The following NXPH2 variants were observed in gnomAD, a reference collection of about 807,000 sequenced individuals.
The protein encoded by NXPH2 is neurexophilin 2.
A neutral mutation model predicts 19.8 loss-of-function variants in NXPH2; 5 were observed. That is an observed-to-expected ratio of 0.25 (90% CI 0.13 to 0.53). NXPH2 has a LOEUF of 0.53. NXPH2 is among the 20% of genes least tolerant of loss of function. The probability of loss-of-function intolerance (pLI) is 0.96; values close to 1 mark genes in which losing one functional copy is unlikely to be tolerated. For missense variants in NXPH2, 289 were observed against 322.8 expected (o/e 0.90, Z 0.80); for synonymous variants, 154 against 127.4 (o/e 1.21, Z -1.41).
intron 1 of NXPH2, among the ~76,000 whole-genome samples, chr2:138,710,549 C>T (rs1681090086): frequency 6.6e-6 from 1 of 152,152 alleles, no homozygotes; most frequent in Admixed American, 6.5e-5. Flanking sequence ...TTCCAGTTTG[C>T]AGCTTCTCTT....
intron 1 of NXPH2, among the ~76,000 whole-genome samples, chr2:138,710,224 C>T (rs915224566): frequency 5.3e-5 from 8 of 152,080 alleles, no homozygotes; most frequent in Non-Finnish European, 7.4e-5. Context: ...TTGTCCATGC[C>T]GTAAATATAT....
intron 1 of NXPH2, among the ~76,000 whole-genome samples, chr2:138,719,975 A>C (rs1681251621): frequency 6.6e-6 from 1 of 152,222 alleles, no homozygotes; most frequent in South Asian, 2.1e-4. Flanking sequence ...AATATATGGT[A>C]CTACATGTAC....
chr2:138,688,489 C>T lies in NXPH2; in HGVS notation c.52-16824G>A, dbSNP rs549886746. 2.0e-3 allele frequency among the ~76,000 whole-genome samples: 307 copies of T among 152,218 alleles called. 2 individuals are homozygous for T. Among genetic ancestry groups the T allele is most frequent in the Non-Finnish European group, 3.6e-3 (244 of 67,988 alleles). The stretch of plus-strand genomic sequence containing the variant: ...GAGCCACCATGCTCGGATGAGGCAT[C>T]TTTTTTTAAAGTCTTTACCTAGCTC... On this transcript the variant is annotated intron_variant, in intron 1 of 1. Transcript: ENST00000272641.
At chr2:138,717,724 A>G (rs1681214667) in intron 1 of NXPH2, among the ~76,000 whole-genome samples, 1 of 152,190 alleles carries the variant, frequency 6.6e-6, no homozygotes, top group Non-Finnish European at 1.5e-5. Flanking sequence ...AATTTGAGGA[A>G]TCAAATGGAT....
chr2:138,735,229 T>C (rs1558925341), intron 1 of NXPH2, among the ~76,000 whole-genome samples: 1 of 152,176 alleles, frequency 6.6e-6, no homozygotes, highest in Admixed American at 6.5e-5. Context: ...AGGAGTTTTA[T>C]AGTTGGTATT....
rs191458911 is a variant in NXPH2 at position 138,780,327 on chromosome 2, G to A, written c.-86C>T. ...CACTTCGCGGGGCAGGACTGAGGACGCCAGGGACACAGCGCGGCGCTTCCC... is the reference window on the plus strand; with the variant it reads ...CACTTCGCGGGGCAGGACTGAGGACACCAGGGACACAGCGCGGCGCTTCCC... On this transcript the variant is annotated 5_prime_UTR_variant, in exon 1 of 2. Coordinates refer to ENST00000272641, the MANE Select transcript of NXPH2 (RefSeq NM_007226.3). The A allele has an allele frequency of 2.6e-4, 266 of 1,009,106 alleles. 1 individual carries two copies. The African/African-American group carries it at 4.1e-3, about 16-fold the overall frequency. The allele number at this position is 1,009,106 out of a possible 1,614,324, so 62.5% of individuals were successfully genotyped here. A position where few individuals can be genotyped will look rare whatever the true frequency, so the allele number is the denominator to read the frequency against.
chr2:138,708,123 A>G (rs1481044032), intron 1 of NXPH2, among the ~76,000 whole-genome samples: 1 of 152,150 alleles, frequency 6.6e-6, no homozygotes, highest in African/African-American at 2.4e-5. Flanking sequence ...TTACCCTACT[A>G]CACAGGGCAT....
chr2:138,696,026 A>C (rs1299116922), intron 1 of NXPH2, among the ~76,000 whole-genome samples: 6 of 152,076 alleles, frequency 3.9e-5, no homozygotes, highest in Non-Finnish European at 8.8e-5. Context: ...AAAATAAATA[A>C]ATAAATAAAT....
intron 1 of NXPH2, among the ~76,000 whole-genome samples, chr2:138,719,493 T>C (rs1327650883): frequency 6.6e-6 from 1 of 152,234 alleles, no homozygotes; most frequent in African/African-American, 2.4e-5. Context: ...ATAACTTTCA[T>C]ACTTTTTAAT....
intron 1 of NXPH2, among the ~76,000 whole-genome samples, chr2:138,729,252 G>A (rs866477945): frequency 2.0e-5 from 3 of 152,108 alleles, no homozygotes; most frequent in Non-Finnish European, 4.4e-5. Flanking sequence ...AATCATGGGG[G>A]TGGTTTCCCT....
At chr2:138,672,163 T>C (rs1360284075) in intron 1 of NXPH2, among the ~76,000 whole-genome samples, 3 of 152,246 alleles carry the variant, frequency 2.0e-5, no homozygotes, top group Admixed American at 6.5e-5. Flanking sequence ...TGTAATTTCA[T>C]AGCTCTTTAT....
At chr2:138,708,256 G>C (rs144948700) in intron 1 of NXPH2, among the ~76,000 whole-genome samples, 1 of 152,152 alleles carries the variant, frequency 6.6e-6, no homozygotes, top group Non-Finnish European at 1.5e-5. Context: ...CGTCACACAC[G>C]CTGCCCACTT....
At chr2:138,730,460 C>G (rs192246094) in intron 1 of NXPH2, among the ~76,000 whole-genome samples, 1 of 152,066 alleles carries the variant, frequency 6.6e-6, no homozygotes, top group African/African-American at 2.4e-5. Context: ...ACGATTCAGC[C>G]CATAGCACTT....
chr2:138,753,253 T>TA (rs1254575640), intron 1 of NXPH2, among the ~76,000 whole-genome samples: 1 of 152,178 alleles, frequency 6.6e-6, no homozygotes, highest in African/African-American at 2.4e-5. Context: ...ACTCTGTTGT[T>TA]CACATTGACC....
intron 1 of NXPH2, among the ~76,000 whole-genome samples, chr2:138,776,103 C>T (rs372286673): frequency 3.3e-4 from 50 of 152,028 alleles, no homozygotes; most frequent in African/African-American, 1.1e-3. Flanking sequence ...TACCACTAAA[C>T]GACTAAATCA....
chr2:138,767,031 G>A lies in NXPH2; in HGVS notation c.51+13160C>T, dbSNP rs140725681. ...TCTTACTATGTAAGATAAGGAACCT[G>A]GCATGCTTGCCCACTTTTACCTCTT... On this transcript the variant is annotated intron_variant, in intron 1 of 1. Transcript: ENST00000272641. Among the ~76,000 whole-genome samples, 97 of 152,146 alleles carry A rather than the reference G, an allele frequency of 6.4e-4. No homozygotes were observed. In the Middle Eastern group the frequency reaches 0.01, roughly 16 times the overall value.
chr2:138,670,262 G>A lies in NXPH2; in HGVS notation c.*660C>T, dbSNP rs1391445436. On this transcript the variant is annotated 3_prime_UTR_variant, in exon 2 of 2. Transcript: ENST00000272641. ...CATTACATCAGTATTCAAACTCAGG[G>A]GGAATCATAAGAATGGTGACCAACA... Among the ~76,000 whole-genome samples the A allele has an allele frequency of 6.6e-6, 1 of 152,078 alleles. No homozygotes were observed. Among genetic ancestry groups the A allele is most frequent in the Non-Finnish European group, 1.5e-5 (1 of 68,022 alleles).
At chr2:138,679,224 T>G (rs1287104036) in intron 1 of NXPH2, among the ~76,000 whole-genome samples, 5 of 152,178 alleles carry the variant, frequency 3.3e-5, no homozygotes, top group Non-Finnish European at 7.3e-5. Context: ...AAATCATGCC[T>G]TTATCAGAAC....
chr2:138,695,157 G>A (rs1014614366), intron 1 of NXPH2, among the ~76,000 whole-genome samples: 1 of 152,140 alleles, frequency 6.6e-6, no homozygotes, highest in Non-Finnish European at 1.5e-5. Context: ...ATTGCCTGGT[G>A]AGAAAAATAA....
Sources: allele counts gnomAD v4.1 joint callset (sites outside exome capture counted in the v4.1 genomes callset), GRCh38; gene constraint gnomAD v4.1.1; transcripts MANE v1.5; gene names NCBI Gene and HGNC (gene_info 2026-07-23, HGNC 2026-07-21).